The following AKAP19 variants were observed in gnomAD, a reference collection of about 807,000 sequenced individuals.
AKAP19 encodes the protein small A-kinase anchoring protein.
the AKAP19 span, chr2:189,923,651 G>C: frequency 6.2e-7 from 1 of 1,613,942 alleles, no homozygotes; most frequent in African/African-American, 1.3e-5. Flanking sequence ...GGAGATGTAC[G>C]GCTCCTCTTT....
chr2:190,199,311 C>CA, the AKAP19 span, among the ~76,000 whole-genome samples: 1 of 152,266 alleles, frequency 6.6e-6, no homozygotes, highest in East Asian at 1.9e-4. Flanking sequence ...TGAACGCAGC[C>CA]ATGGACACAT....
the AKAP19 span, among the ~76,000 whole-genome samples, chr2:189,911,354 A>G: frequency 6.6e-6 from 1 of 152,104 alleles, no homozygotes; most frequent in Admixed American, 6.5e-5. Flanking sequence ...GTGGAGGTAC[A>G]TGCATTAAGA....
chr2:190,042,168 G>A, the AKAP19 span, among the ~76,000 whole-genome samples: 1 of 152,006 alleles, frequency 6.6e-6, no homozygotes, highest in African/African-American at 2.4e-5. Flanking sequence ...TATTTGGTAG[G>A]CTATTTATTA....
At chr2:189,959,753 A>G in the AKAP19 span, among the ~76,000 whole-genome samples, 1 of 152,224 alleles carries the variant, frequency 6.6e-6, no homozygotes, top group African/African-American at 2.4e-5. Flanking sequence ...CCCAGGTGTT[A>G]AAATAAATAT....
chr2:190,135,637 G>C, the AKAP19 span, among the ~76,000 whole-genome samples: 4 of 152,280 alleles, frequency 2.6e-5, no homozygotes, highest in Non-Finnish European at 5.9e-5. Context: ...ACGGCTTACC[G>C]TGTTACCTTG....
chr2:189,930,344 T>C, the AKAP19 span: 89 of 590,016 alleles, frequency 1.5e-4, no homozygotes, highest in Middle Eastern at 3.2e-3. Flanking sequence ...CATCTACCAG[T>C]CATAATACAG....
the AKAP19 span, among the ~76,000 whole-genome samples, chr2:190,133,263 A>AAAAAAT: frequency 7.6e-6 from 1 of 131,488 alleles, no homozygotes; most frequent in Non-Finnish European, 1.7e-5. Context: ...AAAAAAAAAA[A>AAAAAAT]GTGCAAAAGA....
At chr2:190,097,999 C>T in the AKAP19 span, among the ~76,000 whole-genome samples, 5 of 152,078 alleles carry the variant, frequency 3.3e-5, no homozygotes, top group Admixed American at 1.3e-4. Flanking sequence ...ATTTCCATCA[C>T]ATCTGCAGTT....
the AKAP19 span, among the ~76,000 whole-genome samples, chr2:190,044,419 G>T: frequency 6.6e-6 from 1 of 152,176 alleles, no homozygotes; most frequent in Non-Finnish European, 1.5e-5. Flanking sequence ...AAATAGACTG[G>T]AGTCTCCTTG....
chr2:190,106,070 T>G, the AKAP19 span, among the ~76,000 whole-genome samples: 1 of 152,352 alleles, frequency 6.6e-6, no homozygotes, highest in Non-Finnish European at 1.5e-5. Context: ...GATTAACACC[T>G]GACATAAACT....
chr2:189,997,310 G>A, the AKAP19 span, among the ~76,000 whole-genome samples: 4 of 152,172 alleles, frequency 2.6e-5, no homozygotes, highest in Non-Finnish European at 4.4e-5. Flanking sequence ...ATAAATATTT[G>A]GGTTTCTCAG....
At chr2:190,107,768 T>C in the AKAP19 span, among the ~76,000 whole-genome samples, 5 of 152,130 alleles carry the variant, frequency 3.3e-5, no homozygotes, top group African/African-American at 1.2e-4. Context: ...AACTAGACAA[T>C]GTGAAGTTAT....
the AKAP19 span, among the ~76,000 whole-genome samples, chr2:190,099,935 G>A: frequency 2.6e-5 from 4 of 152,136 alleles, no homozygotes; most frequent in Non-Finnish European, 5.9e-5. Context: ...CCTAGTATTA[G>A]AATTAAAAAG....
the AKAP19 span, among the ~76,000 whole-genome samples, chr2:189,932,190 G>A: frequency 6.6e-6 from 1 of 151,900 alleles, no homozygotes; most frequent in East Asian, 1.9e-4. Context: ...TCGTTAAAAA[G>A]TGAGGTCAGG....
chr2:189,971,687 G>A, the AKAP19 span, among the ~76,000 whole-genome samples: 3 of 152,178 alleles, frequency 2.0e-5, no homozygotes, highest in Non-Finnish European at 4.4e-5. Flanking sequence ...TAACTGGTGT[G>A]AGATGGTATC....
At chr2:190,190,873 G>A in the AKAP19 span, among the ~76,000 whole-genome samples, 9 of 152,132 alleles carry the variant, frequency 5.9e-5, no homozygotes, top group South Asian at 1.5e-3. Context: ...CACCACAATC[G>A]GGATAAAGAA....
At chr2:190,164,489 C>G in the AKAP19 span, among the ~76,000 whole-genome samples, 5 of 152,142 alleles carry the variant, frequency 3.3e-5, no homozygotes, top group Non-Finnish European at 5.9e-5. Flanking sequence ...ATGATTGCAT[C>G]ACTGTACTCC....
the AKAP19 span, among the ~76,000 whole-genome samples, chr2:190,059,836 T>C: frequency 6.6e-6 from 1 of 152,042 alleles, no homozygotes; most frequent in East Asian, 1.9e-4. Flanking sequence ...AAGTATGGTA[T>C]AATTGTTTTC....
At chr2:190,152,603 G>C in the AKAP19 span, among the ~76,000 whole-genome samples, 1,026 of 152,104 alleles carry the variant, frequency 6.7e-3, 8 homozygotes, top group African/African-American at 0.024. Flanking sequence ...AATTTCATAG[G>C]CTATTTTTTG....
Sources: allele counts gnomAD v4.1 joint callset (sites outside exome capture counted in the v4.1 genomes callset), GRCh38; gene constraint gnomAD v4.1.1; transcripts MANE v1.5; gene names NCBI Gene and HGNC (gene_info 2026-07-23, HGNC 2026-07-21).